ODAD2: variants seen among roughly 807,000 people sequenced by gnomAD.
ODAD2 encodes the protein outer dynein arm docking complex subunit 2, also known as outer dynein arm-docking complex subunit 2.
In ODAD2, 89 loss-of-function variants were observed where a neutral mutation model predicts 106.8. The observed-to-expected ratio is 0.83, with a 90% CI of 0.70 to 0.99. The LOEUF (loss-of-function observed/expected upper bound fraction) is 0.99. Among genes scored for constraint, ODAD2 ranks in the 50% least tolerant of loss-of-function variants. The pLI, the probability that ODAD2 is intolerant of heterozygous loss-of-function variation, is 0.00. For synonymous variants in ODAD2, 404 were observed against 436.2 expected, an observed-to-expected ratio of 0.93 and a Z score of 0.92; for missense variants, 1,168 against 1,238.5, an observed-to-expected ratio of 0.94 and a Z score of 0.85.
At chr10:27,988,336 GC>G (rs1850007059) in intron 2 of ODAD2, among the ~76,000 whole-genome samples, 1 of 132,704 alleles carries the variant, frequency 7.5e-6, no homozygotes, top group African/African-American at 3.0e-5. Flanking sequence ...ACCTGATCTA[GC>G]TTTTTTTTTT....
At chr10:27,916,120 CTGAGAATTAGCCTGGTA>C (rs1301680737) in intron 16 of ODAD2, among the ~76,000 whole-genome samples, 6 of 152,070 alleles carry the variant, frequency 3.9e-5, no homozygotes. Context: ...AATATCCCCA[CTGAGAATTAGCCTGGTA>C]TGTGGGGACA....
intron 19 of ODAD2, among the ~76,000 whole-genome samples, chr10:27,837,109 T>C (rs1187709305): frequency 6.6e-6 from 1 of 152,042 alleles, no homozygotes; most frequent in Non-Finnish European, 1.5e-5. Context: ...GAGGGAAAAT[T>C]TGTTGTCCAC....
At chr10:27,866,814 A>G (rs1362075050) in intron 17 of ODAD2, among the ~76,000 whole-genome samples, 1 of 152,106 alleles carries the variant, frequency 6.6e-6, no homozygotes, top group East Asian at 1.9e-4. Context: ...AGGCATTCAT[A>G]AGGGATCAGC....
intron 16 of ODAD2, among the ~76,000 whole-genome samples, chr10:27,919,870 T>C (rs1844649989): frequency 6.6e-6 from 1 of 152,178 alleles, no homozygotes; most frequent in African/African-American, 2.4e-5. Flanking sequence ...ATAATTACTT[T>C]TGCCTGCTGG....
At position 27,913,790 on chromosome 10, in the gene ODAD2, C is replaced by T. The variant is rs146716317; in HGVS notation, c.2496-6013G>A. Among the ~76,000 whole-genome samples the T allele has an allele frequency of 6.3e-3, 952 of 152,240 alleles. 11 individuals carry two copies. The highest frequency in any genetic ancestry group is 0.022 in the African/African-American group (899 of 41,546). ...AATCAAAACCACAAGAAGATACTAT[C>T]TCACATGAGTCGGAATGGCTATTAT... On this transcript the variant is annotated intron_variant, in intron 16 of 19. Transcript: ENST00000305242.
Position 27,862,530 on chromosome 10 carries a change from T to C in ODAD2, c.2703A>G (p.Val901=). 1.2e-6 allele frequency: 2 copies of C among 1,612,512 alleles called. No homozygotes were observed. Among genetic ancestry groups the C allele is most frequent in the Non-Finnish European group, 1.7e-6 (2 of 1,179,284 alleles). ...TTGCTATGTTGGTAATGGCAGCACA[T>C]ACACTTGCCAGAACTTCTTTGTTAT... ...KSDNKEVLAS[V]CAAITNIAKD... The change falls in exon 18 of 20, where the codon GTA becomes GTG. Residue 901 remains valine, a synonymous_variant. Coordinates refer to ENST00000305242, the MANE Select transcript of ODAD2 (RefSeq NM_018076.5).
rs148764990 is a variant in ODAD2 at position 27,908,501 on chromosome 10, G to A, written c.2496-724C>T. 2.6e-3 allele frequency among the ~76,000 whole-genome samples: 394 copies of A among 152,232 alleles called. 1 individual carries two copies. The highest frequency in any genetic ancestry group is 4.3e-3 in the Non-Finnish European group (294 of 68,016). ...GTAAGGTCCATTGGGTACTCACAGC[G>A]GAGAAGAAGGCCAAACAAAACTTAA... On this transcript the variant is annotated intron_variant, in intron 16 of 19. Transcript: ENST00000305242.
chr10:27,860,984 G>A lies in ODAD2; in HGVS notation c.2800-138C>T, dbSNP rs991420751. The A allele has an allele frequency of 7.1e-6, 5 of 702,648 alleles. No homozygotes were observed. In the Admixed American group the frequency reaches 1.3e-4, roughly 18 times the overall value. 43.5% of individuals were successfully genotyped at this position (702,648 alleles called of 1,614,324 possible). ...GGGCTAGCTGGCTGACTACCTAGGT[G>A]ATGTTTTGAAGGAACTAGTCTTTTT... is the stretch of plus-strand genomic sequence containing the variant. On this transcript the variant is annotated intron_variant, in intron 18 of 19. Coordinates refer to ENST00000305242, the MANE Select transcript of ODAD2 (RefSeq NM_018076.5).
intron 19 of ODAD2, among the ~76,000 whole-genome samples, chr10:27,832,493 A>G (rs1837558352): frequency 1.3e-5 from 2 of 152,034 alleles, no homozygotes; most frequent in South Asian, 2.1e-4. Flanking sequence ...ATTATCCACA[A>G]GCTCAACTTT....
intron 16 of ODAD2, among the ~76,000 whole-genome samples, chr10:27,925,655 C>CA (rs79329127): frequency 0.024 from 3,584 of 151,698 alleles, 118 homozygotes; most frequent in African/African-American, 0.072. Flanking sequence ...ACCACAATGG[C>CA]AAAAAACACT....
At chr10:27,947,568 T>C (rs946028619) in intron 10 of ODAD2, among the ~76,000 whole-genome samples, 1 of 152,088 alleles carries the variant, frequency 6.6e-6, no homozygotes, top group Non-Finnish European at 1.5e-5. Context: ...GAAAAACAAT[T>C]CATTTGAATA....
chr10:27,882,229 GAAAGAAAT>G (rs528811196), intron 17 of ODAD2, among the ~76,000 whole-genome samples: 2,143 of 149,364 alleles, frequency 0.014, 23 homozygotes, highest in Non-Finnish European at 0.023. Flanking sequence ...AAGAAAGAAA[GAAAGAAAT>G]ATGAACTCTC....
chr10:27,829,036 A>C (rs1837279727), intron 19 of ODAD2, among the ~76,000 whole-genome samples: 1 of 152,234 alleles, frequency 6.6e-6, no homozygotes, highest in African/African-American at 2.4e-5. Context: ...GATGGGATAT[A>C]GAATTCATCC....
At chr10:27,853,341 C>A in intron 19 of ODAD2, 1 of 279,800 alleles carries the variant, frequency 3.6e-6, no homozygotes, top group Non-Finnish European at 6.9e-6. Flanking sequence ...GCACTCTAGC[C>A]TGGCGACATG....
chr10:27,936,415 ACCTTG>A (rs1845974388), intron 15 of ODAD2, among the ~76,000 whole-genome samples: 1 of 152,170 alleles, frequency 6.6e-6, no homozygotes, highest in Non-Finnish European at 1.5e-5. Flanking sequence ...CCGCCCACTC[ACCTTG>A]ATAGGTCCCC....
chr10:27,995,214 C>A, intron 1 of ODAD2, 34 bp from the exon 2 acceptor site: 6 of 1,561,558 alleles, frequency 3.8e-6, no homozygotes. Flanking sequence ...GAGACAACAG[C>A]GTCCACCTTT....
At chr10:27,973,973 TTC>T (rs1849025728) in intron 7 of ODAD2, among the ~76,000 whole-genome samples, 1 of 152,256 alleles carries the variant, frequency 6.6e-6, no homozygotes, top group African/African-American at 2.4e-5. Flanking sequence ...ATAACAGCCA[TTC>T]TGACTGGTGT....
chr10:27,974,945 A>G (rs538285631), intron 7 of ODAD2, among the ~76,000 whole-genome samples: 2 of 152,082 alleles, frequency 1.3e-5, no homozygotes, highest in South Asian at 4.2e-4. Flanking sequence ...CACTGTAGAG[A>G]TCTTTCACCT....
intron 17 of ODAD2, among the ~76,000 whole-genome samples, chr10:27,879,322 A>G (rs1668830411): frequency 6.6e-6 from 1 of 152,142 alleles, no homozygotes; most frequent in Non-Finnish European, 1.5e-5. Flanking sequence ...GAAGAACTTT[A>G]TAACAAGTAT....
Sources: gnomAD v4.1 joint callset for allele counts (sites outside exome capture counted in the v4.1 genomes callset) on GRCh38, gnomAD v4.1.1 for gene constraint, MANE v1.5 for transcripts, NCBI Gene and HGNC (gene_info 2026-07-23, HGNC 2026-07-21) for gene names.